ZBBX: variants seen among roughly 807,000 people sequenced by gnomAD.
The protein encoded by ZBBX is zinc finger B-box domain-containing protein 1.
A neutral mutation model predicts 108.5 loss-of-function variants in ZBBX; 101 were observed. That is an observed-to-expected ratio of 0.93 (90% confidence interval 0.79 to 1.10). The LOEUF (loss-of-function observed/expected upper bound fraction) is 1.10, where lower values mean the gene tolerates loss of function less well. Ranked by LOEUF, ZBBX falls within the 50% of genes least tolerant of loss-of-function variation. The pLI is 0.00. For missense variants in ZBBX, 1,009 were observed against 941.4 expected (o/e 1.07, Z -0.94); for synonymous variants, 356 against 323.4 (o/e 1.10, Z -1.08).
At chr3:167,236,816 C>T (rs1022292128), downstream of ZBBX, among the ~76,000 whole-genome samples, 1 of 151,624 alleles carries the variant, frequency 6.6e-6, no homozygotes, top group Non-Finnish European at 1.5e-5. Flanking sequence ...AGTTAAGAGG[C>T]ATATCTTCAA....
chr3:167,293,892 A>T (rs1731157095), intron 18 of ZBBX, among the ~76,000 whole-genome samples: 1 of 152,034 alleles, frequency 6.6e-6, no homozygotes, highest in Non-Finnish European at 1.5e-5. Context: ...GCATTCCTAT[A>T]CACCTATAAC....
chr3:167,277,962 A>C (rs912118558), intron 20 of ZBBX, among the ~76,000 whole-genome samples: 2 of 150,292 alleles, frequency 1.3e-5, no homozygotes, highest in African/African-American at 4.9e-5. Context: ...AAACCACTCA[A>C]CTACATGGAA....
chr3:167,199,645 A>G, the ZBBX span, among the ~76,000 whole-genome samples: 152 of 152,292 alleles, frequency 1.0e-3, no homozygotes, highest in Non-Finnish European at 1.4e-3. Context: ...TTCTCTCAAA[A>G]AGCTATCTCC....
intron 18 of ZBBX, among the ~76,000 whole-genome samples, chr3:167,297,596 T>C (rs1391104279): frequency 6.6e-6 from 1 of 151,748 alleles, no homozygotes; most frequent in Admixed American, 6.6e-5. Flanking sequence ...AAAAGGGCAA[T>C]CCACAGAATG....
the ZBBX span, among the ~76,000 whole-genome samples, chr3:167,196,817 T>A: frequency 6.6e-6 from 1 of 151,226 alleles, no homozygotes. Flanking sequence ...AAGTTGTGTT[T>A]GGGTACCTGA....
chr3:167,324,398 G>A (rs1737007188), intron 11 of ZBBX, among the ~76,000 whole-genome samples: 1 of 152,084 alleles, frequency 6.6e-6, no homozygotes, highest in Non-Finnish European at 1.5e-5. Context: ...TGAAGTTACA[G>A]ACATAAGCCA....
chr3:167,220,494 A>G, the ZBBX span, among the ~76,000 whole-genome samples: 2 of 152,210 alleles, frequency 1.3e-5, no homozygotes, highest in South Asian at 4.1e-4. Flanking sequence ...CCATATGATC[A>G]CTTCAACTGA....
At chr3:167,183,520 G>T in the ZBBX span, among the ~76,000 whole-genome samples, 2 of 152,192 alleles carry the variant, frequency 1.3e-5, no homozygotes, top group Non-Finnish European at 2.9e-5. Flanking sequence ...GGAATCAGGG[G>T]GCTGACAGCC....
chr3:167,232,354 A>G, the ZBBX span, among the ~76,000 whole-genome samples: 1 of 151,842 alleles, frequency 6.6e-6, no homozygotes, highest in Non-Finnish European at 1.5e-5. Context: ...GTTTATTTGC[A>G]GATAAATGGC....
At chr3:167,343,394 C>T (rs578226495) in intron 9 of ZBBX, among the ~76,000 whole-genome samples, 63 of 152,004 alleles carry the variant, frequency 4.1e-4, no homozygotes, top group Admixed American at 7.9e-4. Context: ...AAGCCACTTA[C>T]ATTCTCCCAA....
intron 20 of ZBBX, among the ~76,000 whole-genome samples, chr3:167,254,838 C>A (rs1723190757): frequency 6.7e-6 from 1 of 149,400 alleles, no homozygotes; most frequent in Non-Finnish European, 1.5e-5. Context: ...AGAAAAATTT[C>A]TCCAAGCATT....
At chr3:167,248,975 T>C (rs145070921) in intron 20 of ZBBX, among the ~76,000 whole-genome samples, 200 of 152,276 alleles carry the variant, frequency 1.3e-3, no homozygotes, top group African/African-American at 4.6e-3. Flanking sequence ...TTCTGAGTCT[T>C]TGTTGAAAGA....
At chr3:167,316,918 T>C in intron 14 of ZBBX, 87 bp downstream of exon 14, 3 of 707,848 alleles carry the variant, frequency 4.2e-6, no homozygotes, top group Non-Finnish European at 6.7e-6. Flanking sequence ...TTGAGAAATC[T>C]TATTGAAAAT....
chr3:167,311,572 T>C (rs1576964868), intron 16 of ZBBX, among the ~76,000 whole-genome samples: 1 of 152,116 alleles, frequency 6.6e-6, no homozygotes, highest in East Asian at 1.9e-4. Context: ...TACAAAAAAC[T>C]CTTAAACCTC....
chr3:167,323,250 G>GGGAA (rs1736788692), intron 11 of ZBBX, among the ~76,000 whole-genome samples: 4 of 92,914 alleles, frequency 4.3e-5, no homozygotes, highest in Admixed American at 1.2e-4. Flanking sequence ...GGGGGGGGGG[G>GGGAA]AAAGAACTCT....
Position 167,348,379 on chromosome 3 carries a change from AAAG to A in ZBBX, c.528+2038_528+2040del, listed in dbSNP as rs537889132. Among the ~76,000 whole-genome samples, 31 of 149,878 alleles carry A rather than the reference AAAG, an allele frequency of 2.1e-4. 1 individual carries two copies. The South Asian group carries it at 6.1e-3, about 29-fold the overall frequency. The stretch of plus-strand genomic sequence containing the variant: ...AAGAAAGAAAGAAAGAAAAAAAAGA[AAAG>A]AAAAGAAGAAGGAGGGAGGGAGAGG... On this transcript the variant is annotated intron_variant, in intron 9 of 21. Coordinates refer to ENST00000675490, the MANE Select transcript of ZBBX (RefSeq NM_001199201.2).
chr3:167,180,496 G>C, the ZBBX span, among the ~76,000 whole-genome samples: 1 of 152,202 alleles, frequency 6.6e-6, no homozygotes, highest in Non-Finnish European at 1.5e-5. Flanking sequence ...AATTAAACCA[G>C]TGTGAAAAAT....
At chr3:167,194,229 A>AATATATATATATATATATATATAT in the ZBBX span, among the ~76,000 whole-genome samples, 750 of 139,554 alleles carry the variant, frequency 5.4e-3, 4 homozygotes, top group Non-Finnish European at 8.9e-3. Flanking sequence ...ATATGTACTA[A>AATATATATATATATATATATATAT]ATATATATAT....
intron 8 of ZBBX, among the ~76,000 whole-genome samples, chr3:167,354,018 T>TA (rs1743109278): frequency 1.3e-5 from 2 of 152,132 alleles, no homozygotes; most frequent in Middle Eastern, 3.4e-3. Context: ...AAGTTGAAAA[T>TA]ATATTTAGTA....
Sources: gnomAD v4.1 joint callset for allele counts (sites outside exome capture counted in the v4.1 genomes callset) on GRCh38, gnomAD v4.1.1 for gene constraint, MANE v1.5 for transcripts, NCBI Gene and HGNC (gene_info 2026-07-23, HGNC 2026-07-21) for gene names.